GRXCR1: variants seen among roughly 807,000 people sequenced by gnomAD.
GRXCR1 encodes the protein glutaredoxin and cysteine rich domain containing 1.
A neutral mutation model predicts 27.3 loss-of-function variants in GRXCR1; 27 were observed. The observed-to-expected ratio is 0.99, with a 90% CI of 0.73 to 1.37. The LOEUF (loss-of-function observed/expected upper bound fraction) is 1.37. GRXCR1 is among the 40% of genes most tolerant of loss of function. The probability of loss-of-function intolerance (pLI) is 0.00; values close to 1 mark genes in which losing one functional copy is unlikely to be tolerated. For synonymous variants in GRXCR1, 122 were observed against 131.1 expected (o/e 0.93, Z 0.47); for missense variants, 379 against 354.4 (o/e 1.07, Z -0.56).
chr4:42,926,012 C>T (rs1481788891), intron 1 of GRXCR1, among the ~76,000 whole-genome samples: 1 of 151,958 alleles, frequency 6.6e-6, no homozygotes, highest in Admixed American at 6.6e-5. Flanking sequence ...TTCCAAGCTC[C>T]TTGAGAAAAA....
rs370041360 is a variant in GRXCR1, at chr4:42,938,701, A to G, written c.385-24191A>G. On this transcript the variant is annotated intron_variant, in intron 1 of 3. Transcript: ENST00000399770. ...TGTATATGGTGAGAGATATGGGTCTAATTTTATTCTTCTGCATATGGATAT... is the reference window on the plus strand; with the variant it reads ...TGTATATGGTGAGAGATATGGGTCTGATTTTATTCTTCTGCATATGGATAT... Among the ~76,000 whole-genome samples the G allele has an allele frequency of 2.6e-5, 4 of 152,058 alleles. No individual in the cohort carries two copies. The East Asian group carries it at 7.8e-4, about 29-fold the overall frequency.
At chr4:42,910,285 C>A (rs531941159) in intron 1 of GRXCR1, among the ~76,000 whole-genome samples, 1 of 152,198 alleles carries the variant, frequency 6.6e-6, no homozygotes, top group East Asian at 1.9e-4. Flanking sequence ...GGACACAAAG[C>A]CTAAACATAA....
chr4:42,925,573 C>T (rs114109659), intron 1 of GRXCR1, among the ~76,000 whole-genome samples: 471 of 152,020 alleles, frequency 3.1e-3, no homozygotes, highest in African/African-American at 0.01. Flanking sequence ...TCTTAATGAC[C>T]TTCTCAGAAT....
chr4:42,894,432 C>T lies in GRXCR1; in HGVS notation c.384+782C>T, dbSNP rs115170341. Among the ~76,000 whole-genome samples the T allele has an allele frequency of 5.8e-4, 88 of 151,900 alleles. 1 individual carries two copies. Among genetic ancestry groups the T allele is most frequent in the Non-Finnish European group, 1.1e-3 (78 of 67,938 alleles). On this transcript the variant is annotated intron_variant, in intron 1 of 3. Transcript: ENST00000399770. ...TTGTTAAAAACAGATATCATTATGTCGGGAATGGAATTTATGATTGCTATC... is the reference window on the plus strand; with the variant it reads ...TTGTTAAAAACAGATATCATTATGTTGGGAATGGAATTTATGATTGCTATC...
intron 2 of GRXCR1, among the ~76,000 whole-genome samples, chr4:42,997,947 G>C (rs934832281): frequency 2.0e-5 from 3 of 152,062 alleles, no homozygotes; most frequent in Non-Finnish European, 4.4e-5. Context: ...TTTCTCATCT[G>C]TTGGCCTCAC....
rs1205169478 is a variant in GRXCR1 at position 42,922,097 on chromosome 4, T to C, written c.384+28447T>C. ...TGTCTAAATATTAAGAAGTTATAGA[T>C]CAAGGTAACAAAGTATTAAATAAAA... On this transcript the variant is annotated intron_variant, in intron 1 of 3. Coordinates refer to ENST00000399770, the MANE Select transcript of GRXCR1 (RefSeq NM_001080476.3). Among the ~76,000 whole-genome samples, 3 of 152,278 alleles carry C rather than the reference T, an allele frequency of 2.0e-5. No homozygotes were observed. In the East Asian group the frequency reaches 5.8e-4, roughly 29 times the overall value.
chr4:42,970,208 T>G (rs944160022), intron 2 of GRXCR1, among the ~76,000 whole-genome samples: 1 of 152,156 alleles, frequency 6.6e-6, no homozygotes, highest in African/African-American at 2.4e-5. Context: ...GGGCTGGTAT[T>G]GAGTGTCCGC....
At chr4:42,936,770 A>T (rs1747468403) in intron 1 of GRXCR1, among the ~76,000 whole-genome samples, 1 of 151,782 alleles carries the variant, frequency 6.6e-6, no homozygotes, top group African/African-American at 2.4e-5. Flanking sequence ...TTCAGTTGGA[A>T]TTTGTTCAGT....
intron 2 of GRXCR1, among the ~76,000 whole-genome samples, chr4:42,975,232 T>A (rs577700029): frequency 6.6e-6 from 1 of 152,228 alleles, no homozygotes; most frequent in African/African-American, 2.4e-5. Context: ...CATCTATAAG[T>A]CTACGATAGT....
At chr4:42,947,053 T>C (rs2109766369) in intron 1 of GRXCR1, among the ~76,000 whole-genome samples, 1 of 152,226 alleles carries the variant, frequency 6.6e-6, no homozygotes, top group Non-Finnish European at 1.5e-5. Flanking sequence ...GTAGGTTTCA[T>C]GAATTCAAGG....
At chr4:42,999,288 A>T (rs1417020465) in intron 2 of GRXCR1, among the ~76,000 whole-genome samples, 1 of 152,220 alleles carries the variant, frequency 6.6e-6, no homozygotes, top group Non-Finnish European at 1.5e-5. Context: ...GTGTGTATAG[A>T]ATTTACTCAA....
At chr4:42,998,785 T>C (rs1434489012) in intron 2 of GRXCR1, among the ~76,000 whole-genome samples, 2 of 152,210 alleles carry the variant, frequency 1.3e-5, no homozygotes, top group African/African-American at 4.8e-5. Flanking sequence ...AAGAAATGTT[T>C]TTCACCTTTT....
At chr4:42,910,396 C>T (rs999745894) in intron 1 of GRXCR1, among the ~76,000 whole-genome samples, 16 of 152,278 alleles carry the variant, frequency 1.1e-4, no homozygotes, top group African/African-American at 3.8e-4. Context: ...GAATCTACAC[C>T]ACCCAGCAAT....
intron 1 of GRXCR1, among the ~76,000 whole-genome samples, chr4:42,929,512 G>A (rs944476227): frequency 6.6e-6 from 1 of 151,988 alleles, no homozygotes; most frequent in African/African-American, 2.4e-5. Context: ...TGCCTGTGGA[G>A]AGAATCTCAC....
chr4:42,939,838 A>G (rs1747570251), intron 1 of GRXCR1, among the ~76,000 whole-genome samples: 1 of 151,948 alleles, frequency 6.6e-6, no homozygotes, highest in Non-Finnish European at 1.5e-5. Flanking sequence ...GTGTTTGCCC[A>G]GGGGTATATC....
chr4:42,897,252 G>A (rs1026078675), intron 1 of GRXCR1, among the ~76,000 whole-genome samples: 15 of 151,798 alleles, frequency 9.9e-5, no homozygotes, highest in African/African-American at 3.6e-4. Context: ...AGATAATTAA[G>A]GCTGCTTATT....
At chr4:43,001,322 A>C (rs1474509834) in intron 2 of GRXCR1, among the ~76,000 whole-genome samples, 1 of 152,074 alleles carries the variant, frequency 6.6e-6, no homozygotes. Flanking sequence ...CTTGGGCAAG[A>C]GCTAAGTCCC....
intron 2 of GRXCR1, among the ~76,000 whole-genome samples, chr4:42,969,419 G>A (rs1418663574): frequency 3.3e-5 from 5 of 152,122 alleles, no homozygotes; most frequent in Non-Finnish European, 7.4e-5. Flanking sequence ...TTAACAGGAA[G>A]CACAGTTGGA....
chr4:42,956,230 C>T (rs1017262054), intron 1 of GRXCR1, among the ~76,000 whole-genome samples: 4 of 152,060 alleles, frequency 2.6e-5, no homozygotes. Flanking sequence ...AATGGCCTAT[C>T]TTTATTACCA....
Sources: gnomAD v4.1 joint callset for allele counts (sites outside exome capture counted in the v4.1 genomes callset) on GRCh38, gnomAD v4.1.1 for gene constraint, MANE v1.5 for transcripts, NCBI Gene and HGNC (gene_info 2026-07-23, HGNC 2026-07-21) for gene names.